EYA2: variants seen among roughly 807,000 people sequenced by gnomAD.
EYA2 encodes protein phosphatase EYA2.
In EYA2, 31 loss-of-function variants were observed where a neutral mutation model predicts 69.2. The ratio of observed to expected loss-of-function variants is 0.45; its 90% CI spans 0.34 to 0.60. The LOEUF (loss-of-function observed/expected upper bound fraction) is 0.60, where lower values mean the gene tolerates loss of function less well. Among genes scored for constraint, EYA2 ranks in the 20% least tolerant of loss-of-function variants. The pLI, the probability that EYA2 is intolerant of heterozygous loss-of-function variation, is 0.02. For synonymous variants in EYA2, 257 were observed against 279.4 expected (o/e 0.92, Z 0.80); for missense variants, 622 against 701.2 (o/e 0.89, Z 1.28).
At chr20:46,954,131 G>A (rs557736924) in intron 1 of EYA2, among the ~76,000 whole-genome samples, 1 of 152,176 alleles carries the variant, frequency 6.6e-6, no homozygotes, top group Non-Finnish European at 1.5e-5. Context: ...CACATCACTT[G>A]CTCATCCACT....
At chr20:47,178,284 C>T (rs1317809738) in intron 12 of EYA2, among the ~76,000 whole-genome samples, 2 of 148,278 alleles carry the variant, frequency 1.3e-5, no homozygotes, top group Non-Finnish European at 3.0e-5. Context: ...TGCAGTGAGC[C>T]TTGATCACAC....
intron 5 of EYA2, among the ~76,000 whole-genome samples, chr20:47,037,795 C>T (rs778868124): frequency 6.6e-6 from 1 of 152,198 alleles, no homozygotes; most frequent in South Asian, 2.1e-4. Flanking sequence ...CCAGGATCAC[C>T]TCCCGATCTT....
chr20:47,123,453 A>C (rs2033103125), intron 9 of EYA2, among the ~76,000 whole-genome samples: 1 of 152,126 alleles, frequency 6.6e-6, no homozygotes, highest in South Asian at 2.1e-4. Flanking sequence ...TCAGTTATGA[A>C]AGCCACTAGC....
At chr20:46,896,613 A>G (rs548479074) in intron 1 of EYA2, among the ~76,000 whole-genome samples, 45 of 152,328 alleles carry the variant, frequency 3.0e-4, no homozygotes, top group Middle Eastern at 3.4e-3. Context: ...TCTATAATTT[A>G]TATAACAAAT....
chr20:47,032,973 G>C (rs1428221501), intron 5 of EYA2, among the ~76,000 whole-genome samples: 1 of 152,122 alleles, frequency 6.6e-6, no homozygotes, highest in Admixed American at 6.5e-5. Context: ...GGCAACCAGG[G>C]CCCCCTTCCA....
At chr20:46,974,293 T>C (rs1167835897) in intron 1 of EYA2, among the ~76,000 whole-genome samples, 1 of 152,216 alleles carries the variant, frequency 6.6e-6, no homozygotes, top group East Asian at 1.9e-4. Flanking sequence ...CATATTTGGT[T>C]TCCAATATTC....
rs144037854 is a variant in EYA2, at chr20:47,077,906, T to G, written c.661+3571T>G. On this transcript the variant is annotated intron_variant, in intron 7 of 15. Coordinates refer to ENST00000327619, the MANE Select transcript of EYA2 (RefSeq NM_005244.5). ...TCCGATCTCATTTCAACAAAGGAGA[T>G]AAAAACAAAACATTGATGAGAAATT... 2.7e-3 allele frequency among the ~76,000 whole-genome samples: 412 copies of G among 152,246 alleles called. 1 individual carries two copies. The highest frequency in any genetic ancestry group is 9.4e-3 in the African/African-American group (389 of 41,548).
intron 1 of EYA2, among the ~76,000 whole-genome samples, chr20:46,960,828 A>G (rs1395397794): frequency 1.3e-5 from 2 of 152,150 alleles, no homozygotes; most frequent in African/African-American, 2.4e-5. Context: ...GACCTTCCCT[A>G]ACTACCATCC....
In EYA2 at chr20:47,056,223, C is replaced by T. The variant is rs771357310; in HGVS notation, c.416-15962C>T. Among the ~76,000 whole-genome samples the T allele has an allele frequency of 6.9e-4, 105 of 152,208 alleles. No individual in the cohort carries two copies. In the Middle Eastern group the frequency reaches 0.017, roughly 25 times the overall value. On this transcript the variant is annotated intron_variant, in intron 5 of 15. Coordinates refer to ENST00000327619, the MANE Select transcript of EYA2 (RefSeq NM_005244.5). ...GGGTGTGGGTTTGGAGTTTTTAAGA[C>T]GGTGAGAAGGACTTGACGACTCACA...
intron 9 of EYA2, among the ~76,000 whole-genome samples, chr20:47,140,052 T>A (rs2033562711): frequency 1.3e-5 from 2 of 152,200 alleles, no homozygotes; most frequent in African/African-American, 4.8e-5. Context: ...ATAAATCCTT[T>A]CAGCAAACAA....
intron 9 of EYA2, among the ~76,000 whole-genome samples, chr20:47,129,379 C>T (rs1392917098): frequency 1.3e-5 from 2 of 152,110 alleles, no homozygotes; most frequent in African/African-American, 2.4e-5. Context: ...ACCTTTCTGG[C>T]ATTGAAAGTG....
rs1023698063 is a variant in EYA2 at position 47,064,805 on chromosome 20, G to A, written c.416-7380G>A. ...CCCACCTTAGAGAGTAGACAGCAGC[G>A]TCACATAAGTCACTGTACATAGCAT... is the stretch of plus-strand genomic sequence containing the variant. On this transcript the variant is annotated intron_variant, in intron 5 of 15. Transcript: ENST00000327619. 5.9e-5 allele frequency among the ~76,000 whole-genome samples: 9 copies of A among 152,254 alleles called. No individual in the cohort carries two copies. The East Asian group carries it at 7.7e-4, about 13-fold the overall frequency.
At chr20:46,926,853 C>T (rs1985437814) in intron 1 of EYA2, among the ~76,000 whole-genome samples, 1 of 152,210 alleles carries the variant, frequency 6.6e-6, no homozygotes, top group South Asian at 2.1e-4. Flanking sequence ...TTGCCGTGGG[C>T]TCACTGGTTG....
chr20:46,971,735 A>G (rs983745340), intron 1 of EYA2, among the ~76,000 whole-genome samples: 3 of 152,356 alleles, frequency 2.0e-5, no homozygotes, highest in African/African-American at 7.2e-5. Flanking sequence ...CTGTTTTACC[A>G]TTAGCATGTG....
intron 1 of EYA2, among the ~76,000 whole-genome samples, chr20:46,917,377 C>G (rs755424844): frequency 1.3e-5 from 2 of 152,334 alleles, no homozygotes; most frequent in African/African-American, 4.8e-5. Flanking sequence ...GTCAGAGTGA[C>G]TTGCTTAAGA....
intron 10 of EYA2, among the ~76,000 whole-genome samples, chr20:47,163,711 A>T (rs1403298720): frequency 1.3e-5 from 2 of 151,460 alleles, no homozygotes; most frequent in African/African-American, 4.8e-5. Context: ...AAAAAAAAAA[A>T]AAAAAAAAAA....
chr20:46,899,857 A>G (rs1356008697), intron 1 of EYA2, among the ~76,000 whole-genome samples: 1 of 152,234 alleles, frequency 6.6e-6, no homozygotes, highest in African/African-American at 2.4e-5. Context: ...GATAGTAGTC[A>G]GAACACAGTT....
chr20:47,021,989 ATAAAG>A (rs1421392511), intron 5 of EYA2, among the ~76,000 whole-genome samples: 1 of 152,212 alleles, frequency 6.6e-6, no homozygotes. Context: ...CCAGGAAAAA[ATAAAG>A]GGGTTGGGGC....
At chr20:47,077,580 G>A (rs1231525248) in intron 7 of EYA2, among the ~76,000 whole-genome samples, 1 of 152,132 alleles carries the variant, frequency 6.6e-6, no homozygotes, top group Non-Finnish European at 1.5e-5. Context: ...TTTGTTCCTG[G>A]GGTTCTTGGT....
Sources: gnomAD v4.1 joint callset for allele counts (sites outside exome capture counted in the v4.1 genomes callset) on GRCh38, gnomAD v4.1.1 for gene constraint, MANE v1.5 for transcripts, NCBI Gene and HGNC (gene_info 2026-07-23, HGNC 2026-07-21) for gene names.